The following KBTBD12 variants were observed in gnomAD, a reference collection of about 807,000 sequenced individuals.
KBTBD12 encodes the protein kelch repeat and BTB domain containing 12, also known as kelch repeat and BTB domain-containing protein 12.
In KBTBD12, 53 loss-of-function variants were observed where a neutral mutation model predicts 58.7. The ratio of observed to expected loss-of-function variants is 0.90; its 90% CI spans 0.72 to 1.14. The LOEUF is 1.14. Among genes scored for constraint, KBTBD12 ranks in the 50% most tolerant of loss-of-function variants. KBTBD12 has a pLI of 0.00. For missense variants in KBTBD12, 704 were observed against 751.3 expected (o/e 0.94, Z 0.74); for synonymous variants, 236 against 259.8 (o/e 0.91, Z 0.88).
At chr3:127,954,776 G>A (rs1011668374) in intron 4 of KBTBD12, among the ~76,000 whole-genome samples, 4 of 152,170 alleles carry the variant, frequency 2.6e-5, no homozygotes, top group Admixed American at 6.5e-5. Flanking sequence ...AAAGCCTAGC[G>A]CCAGCCACAG....
At chr3:127,972,094 C>T (rs1404574900) in intron 5 of KBTBD12, among the ~76,000 whole-genome samples, 1 of 152,190 alleles carries the variant, frequency 6.6e-6, no homozygotes, top group East Asian at 1.9e-4. Flanking sequence ...TGACAGCTGA[C>T]AGTTACCTGG....
chr3:127,969,534 T>C (rs1230297758), intron 5 of KBTBD12, among the ~76,000 whole-genome samples: 4 of 152,228 alleles, frequency 2.6e-5, no homozygotes, highest in Admixed American at 1.3e-4. Context: ...AGAACAAAGA[T>C]GAAAGACCCA....
At chr3:127,919,568 G>T (rs962472509) in intron 1 of KBTBD12, among the ~76,000 whole-genome samples, 1 of 152,182 alleles carries the variant, frequency 6.6e-6, no homozygotes, top group African/African-American at 2.4e-5. Flanking sequence ...ACTGAAGCAG[G>T]ATTAGGAATT....
intron 5 of KBTBD12, among the ~76,000 whole-genome samples, chr3:127,978,038 T>G (rs1271524947): frequency 6.6e-6 from 1 of 152,246 alleles, no homozygotes; most frequent in African/African-American, 2.4e-5. Context: ...TTCAATATTC[T>G]GCATATGGCT....
intron 5 of KBTBD12, 161 bp downstream of exon 5, chr3:127,963,547 T>TCACATGGA: frequency 1.6e-6 from 1 of 631,790 alleles, no homozygotes; most frequent in Non-Finnish European, 2.6e-6. Flanking sequence ...GGCCTGGGTT[T>TCACATGGA]CACATGGACA....
intron 4 of KBTBD12, among the ~76,000 whole-genome samples, chr3:127,945,645 T>G (rs185254798): frequency 5.9e-5 from 9 of 151,888 alleles, no homozygotes; most frequent in Admixed American, 5.9e-4. Flanking sequence ...GGGTTATGTT[T>G]TTGTTGAGTC....
chr3:127,939,295 A>T (rs1939896781), intron 4 of KBTBD12, among the ~76,000 whole-genome samples: 1 of 152,136 alleles, frequency 6.6e-6, no homozygotes, highest in South Asian at 2.1e-4. Flanking sequence ...TTGTCTTGTC[A>T]CTTGAGCCCA....
At chr3:127,982,532 G>T (rs59543419) in intron 5 of KBTBD12, among the ~76,000 whole-genome samples, 10 of 152,268 alleles carry the variant, frequency 6.6e-5, no homozygotes, top group African/African-American at 2.4e-4. Context: ...GGATTCTCCC[G>T]TGGCCTACAC....
In KBTBD12 at chr3:127,930,190, C is replaced by A. The variant is rs376260365; in HGVS notation, c.1399C>A (p.Pro467Thr). 7.5e-6 allele frequency: 12 copies of A among 1,605,516 alleles called. No homozygotes were observed. In the South Asian group the frequency reaches 1.2e-4, roughly 16 times the overall value. ...AAGCAACAAACTGTTGCAGTATGAC[C>A]CCAGCCAAGATCAATGGAGTGTGCG... ...RLSNKLLQYD[P>T]SQDQWSVRAP... The change falls in exon 4 of 6, where the codon CCC becomes ACC. Residue 467 changes from proline to threonine, a missense_variant. Physicochemically the swap from Pro to Thr is conservative, Grantham distance 38. Transcript: ENST00000405109.
intron 4 of KBTBD12, among the ~76,000 whole-genome samples, chr3:127,960,650 CT>C (rs1940421495): frequency 6.6e-6 from 1 of 152,188 alleles, no homozygotes; most frequent in African/African-American, 2.4e-5. Flanking sequence ...TCAGTTTAAG[CT>C]CATTAAGTCT....
chr3:127,923,155 G>T lies in KBTBD12; in HGVS notation c.94G>T (p.Asp32Tyr). The T allele has an allele frequency of 6.2e-7, 1 of 1,612,496 alleles. No homozygotes were observed. Reference protein sequence around the residue: ...QNMKELAEMIDVVLTAEGEKF... With the variant: ...QNMKELAEMIYVVLTAEGEKF... The stretch of plus-strand genomic sequence containing the variant: ...CATGAAAGAATTAGCAGAAATGATT[G>T]ATGTGGTACTCACAGCAGAAGGAGA... The change falls in exon 2 of 6, where the codon GAT (aspartate) becomes TAT (tyrosine). Residue 32 changes from aspartate (D) to tyrosine (Y), a missense_variant. Coordinates refer to ENST00000405109, the MANE Select transcript of KBTBD12 (RefSeq NM_207335.4).
chr3:127,948,445 A>G (rs1023189767), intron 4 of KBTBD12, among the ~76,000 whole-genome samples: 4 of 152,218 alleles, frequency 2.6e-5, no homozygotes, highest in Admixed American at 2.0e-4. Flanking sequence ...GTGTTTCCTT[A>G]TCTCTTGCCA....
rs746436381 is a variant in KBTBD12 at position 127,963,380 on chromosome 3, G to A, written c.1684G>A (p.Gly562Arg). Residue 562 changes from glycine (G) to arginine (R), a missense_variant, in exon 5 of 6, where the codon GGA (glycine) becomes AGA (arginine). Coordinates refer to ENST00000405109, the MANE Select transcript of KBTBD12 (RefSeq NM_207335.4). ...GKLYVCGGFH[G>R]ADRHEVISKE... ...ACTCTATGTCTGCGGGGGATTCCAT[G>A]GAGCAGGTATGGGTCCAGTTTTAAA... 5.0e-6 allele frequency: 8 copies of A among 1,607,050 alleles called. No homozygotes were observed. The Admixed American group carries it at 5.1e-5, about 10-fold the overall frequency.
rs1576368656 is a variant in KBTBD12, at chr3:127,920,802, T to A, written c.-112-2148T>A. On this transcript the variant is annotated intron_variant, in intron 1 of 5. Transcript: ENST00000405109. ...AAGTAATTAGAGTTTATTCTTGTGA[T>A]TTATATGCATCTTTGCTACTCCATT... Among the ~76,000 whole-genome samples, 3 of 152,114 alleles carry A rather than the reference T, an allele frequency of 2.0e-5. No homozygotes were observed. The South Asian group carries it at 6.2e-4, about 31-fold the overall frequency.
At chr3:127,981,847 C>T (rs559751735) in intron 5 of KBTBD12, among the ~76,000 whole-genome samples, 1 of 152,238 alleles carries the variant, frequency 6.6e-6, no homozygotes, top group East Asian at 1.9e-4. Context: ...AATAACAAGG[C>T]CTAATGAACA....
At chr3:127,917,450 A>G (rs1939277268) in intron 1 of KBTBD12, among the ~76,000 whole-genome samples, 1 of 152,130 alleles carries the variant, frequency 6.6e-6, no homozygotes, top group Non-Finnish European at 1.5e-5. Flanking sequence ...AGCTCTCCAA[A>G]CCTTGTCCTT....
rs982561163 is a variant in KBTBD12 at position 127,986,300 on chromosome 3, T to TA, written c.*2023dup. ...ATTAATACATACTTTATAGGGTTGG[T>TA]ATGAGGATTAAGTGCTGAGCAAAGT... On this transcript the variant is annotated 3_prime_UTR_variant, in exon 6 of 6. Coordinates refer to ENST00000405109, the MANE Select transcript of KBTBD12 (RefSeq NM_207335.4). 6.6e-6 allele frequency: 1 copy of TA among 152,570 alleles called. No homozygotes were observed. Among genetic ancestry groups the TA allele is most frequent in the African/African-American group, 2.4e-5 (1 of 41,420 alleles). 9.5% of individuals were successfully genotyped at this position (152,570 alleles called of 1,614,324 possible). A position where few individuals can be genotyped will look rare whatever the true frequency, so the allele number is the denominator to read the frequency against.
At chr3:127,955,440 G>C (rs1319675277) in intron 4 of KBTBD12, among the ~76,000 whole-genome samples, 1 of 152,186 alleles carries the variant, frequency 6.6e-6, no homozygotes, top group African/African-American at 2.4e-5. Context: ...TTAATGGTGA[G>C]TTAGTTTGTG....
chr3:127,956,124 G>A (rs1175457968), intron 4 of KBTBD12, among the ~76,000 whole-genome samples: 1 of 152,132 alleles, frequency 6.6e-6, no homozygotes, highest in African/African-American at 2.4e-5. Context: ...GGAGTGAATG[G>A]CTCATTATGT....
Sources: gnomAD v4.1 joint callset for allele counts (sites outside exome capture counted in the v4.1 genomes callset) on GRCh38, gnomAD v4.1.1 for gene constraint, MANE v1.5 for transcripts, NCBI Gene and HGNC (gene_info 2026-07-23, HGNC 2026-07-21) for gene names.